The following LINGO2 variants were observed in gnomAD, a reference collection of about 807,000 sequenced individuals.
The protein encoded by LINGO2 is leucine rich repeat and Ig domain containing 2.
LINGO2 carries 14 observed loss-of-function variants against 30.6 expected under a neutral mutation model. The ratio of observed to expected loss-of-function variants is 0.46; its 90% CI spans 0.30 to 0.72. The LOEUF is 0.72. Among genes scored for constraint, LINGO2 ranks in the 30% least tolerant of loss-of-function variants. The pLI is 0.07. For synonymous variants in LINGO2, 317 were observed against 288.5 expected (o/e 1.10, Z -1.00); for missense variants, 729 against 751.7 (o/e 0.97, Z 0.35).
the LINGO2 span, among the ~76,000 whole-genome samples, chr9:29,106,704 T>C: frequency 8.0e-4 from 122 of 152,306 alleles, 1 homozygote; most frequent in Middle Eastern, 6.8e-3. Flanking sequence ...TTAATAACTA[T>C]TAATTAAGCC....
At chr9:28,044,146 G>A (rs921495163) in intron 4 of LINGO2, among the ~76,000 whole-genome samples, 9 of 152,092 alleles carry the variant, frequency 5.9e-5, no homozygotes, top group African/African-American at 1.7e-4. Flanking sequence ...TAAATCTTGG[G>A]CATGATGCAG....
intron 4 of LINGO2, among the ~76,000 whole-genome samples, chr9:28,211,244 C>T (rs1363766480): frequency 1.3e-5 from 2 of 150,390 alleles, no homozygotes; most frequent in African/African-American, 2.4e-5. Context: ...GGTTTGTAAT[C>T]GTGATTTAGA....
chr9:28,957,807 AC>A, the LINGO2 span, among the ~76,000 whole-genome samples: 2 of 152,202 alleles, frequency 1.3e-5, no homozygotes, highest in African/African-American at 4.8e-5. Flanking sequence ...TTCATAGATC[AC>A]TTTGCCCTAG....
intron 4 of LINGO2, among the ~76,000 whole-genome samples, chr9:28,180,773 G>C (rs1218149500): frequency 2.0e-5 from 3 of 151,976 alleles, no homozygotes; most frequent in African/African-American, 7.2e-5. Context: ...TCCCAAGTAA[G>C]AGAACCCCAA....
At chr9:28,349,393 G>T (rs1443783743) in intron 3 of LINGO2, among the ~76,000 whole-genome samples, 3 of 135,634 alleles carry the variant, frequency 2.2e-5, no homozygotes, top group Non-Finnish European at 4.7e-5. Context: ...GGAAGAAAGG[G>T]TATCAGCGAT....
intron 4 of LINGO2, among the ~76,000 whole-genome samples, chr9:28,167,394 C>A (rs1828461256): frequency 6.6e-6 from 1 of 152,030 alleles, no homozygotes; most frequent in African/African-American, 2.4e-5. Flanking sequence ...TGTTTGTTTC[C>A]TTTTGAGACA....
the LINGO2 span, among the ~76,000 whole-genome samples, chr9:28,718,093 A>G: frequency 6.6e-6 from 1 of 152,022 alleles, no homozygotes; most frequent in African/African-American, 2.4e-5. Context: ...AAAATTTAAA[A>G]GATTAATTTC....
the LINGO2 span, among the ~76,000 whole-genome samples, chr9:28,761,497 C>CAT: frequency 6.6e-6 from 1 of 150,634 alleles, no homozygotes; most frequent in South Asian, 2.1e-4. Context: ...CACACACACA[C>CAT]ACGCACACAC....
At chr9:29,089,874 G>A in the LINGO2 span, among the ~76,000 whole-genome samples, 5 of 152,020 alleles carry the variant, frequency 3.3e-5, no homozygotes, top group South Asian at 2.1e-4. Flanking sequence ...TGTAAACCCC[G>A]TGAGAAAAAG....
the LINGO2 span, among the ~76,000 whole-genome samples, chr9:28,994,650 G>T: frequency 6.6e-6 from 1 of 151,624 alleles, no homozygotes; most frequent in African/African-American, 2.4e-5. Flanking sequence ...AAAACAGCAT[G>T]GTACTGGTAC....
chr9:28,552,702 T>G (rs980780538), intron 1 of LINGO2, among the ~76,000 whole-genome samples: 5 of 151,760 alleles, frequency 3.3e-5, no homozygotes, highest in Non-Finnish European at 7.4e-5. Flanking sequence ...CCGGGATTTC[T>G]ATGTTTTAAG....
At chr9:28,857,880 T>C in the LINGO2 span, among the ~76,000 whole-genome samples, 1 of 152,018 alleles carries the variant, frequency 6.6e-6, no homozygotes, top group African/African-American at 2.4e-5. Context: ...GAAATTAATT[T>C]CACCTATTTC....
intron 2 of LINGO2, among the ~76,000 whole-genome samples, chr9:28,381,741 G>C (rs1409129590): frequency 1.3e-5 from 2 of 152,028 alleles, no homozygotes; most frequent in Non-Finnish European, 2.9e-5. Context: ...TTGGAGAAAG[G>C]TGGTCTTGTA....
chr9:28,429,885 G>A (rs961029708), intron 2 of LINGO2, among the ~76,000 whole-genome samples: 1 of 152,182 alleles, frequency 6.6e-6, no homozygotes, highest in Admixed American at 6.5e-5. Context: ...TAGGTAGGAT[G>A]TTATGAGATT....
chr9:28,526,236 C>T (rs1821031670), intron 1 of LINGO2, among the ~76,000 whole-genome samples: 1 of 152,012 alleles, frequency 6.6e-6, no homozygotes, highest in Non-Finnish European at 1.5e-5. Flanking sequence ...AACATCAAGA[C>T]ACGTCCTAAT....
At chr9:27,987,096 C>T (rs1821160445) in intron 5 of LINGO2, among the ~76,000 whole-genome samples, 1 of 151,654 alleles carries the variant, frequency 6.6e-6, no homozygotes, top group Admixed American at 6.6e-5. Context: ...CAGTCAACTA[C>T]TCAATAAATG....
chr9:28,400,106 T>C (rs1822201247), intron 2 of LINGO2, among the ~76,000 whole-genome samples: 1 of 152,150 alleles, frequency 6.6e-6, no homozygotes, highest in Non-Finnish European at 1.5e-5. Flanking sequence ...TGGGGGTGTC[T>C]GAAGCAGACA....
chr9:28,279,035 G>A (rs773029371), intron 4 of LINGO2, among the ~76,000 whole-genome samples: 3 of 152,090 alleles, frequency 2.0e-5, no homozygotes, highest in East Asian at 1.9e-4. Context: ...TACAGGCTTC[G>A]GTAGAGAAAG....
chr9:28,061,630 C>T (rs1018969714), intron 4 of LINGO2, among the ~76,000 whole-genome samples: 28 of 151,976 alleles, frequency 1.8e-4, no homozygotes, highest in African/African-American at 4.8e-4. Context: ...GGTACAGGAG[C>T]ACAAGTGATC....
Sources: gnomAD v4.1 joint callset for allele counts (sites outside exome capture counted in the v4.1 genomes callset) on GRCh38, gnomAD v4.1.1 for gene constraint, MANE v1.5 for transcripts, NCBI Gene and HGNC (gene_info 2026-07-23, HGNC 2026-07-21) for gene names.